Variants in PPP2R1B observed in about 807,000 individuals in gnomAD.
PPP2R1B encodes serine/threonine-protein phosphatase 2A 65 kDa regulatory subunit A beta isoform.
A neutral mutation model predicts 72.7 loss-of-function variants in PPP2R1B; 58 were observed. That is an observed-to-expected ratio of 0.80 (90% confidence interval 0.65 to 0.99). The LOEUF (loss-of-function observed/expected upper bound fraction) is 0.99, where lower values mean the gene tolerates loss of function less well. Ranked by LOEUF, PPP2R1B falls within the 50% of genes least tolerant of loss-of-function variation. The pLI is 0.00. For synonymous variants in PPP2R1B, 256 were observed against 264.6 expected (o/e 0.97, Z 0.32); for missense variants, 695 against 733.6 (o/e 0.95, Z 0.61).
Position 111,742,084 on chromosome 11 carries a change from A to G in PPP2R1B, c.1758T>C (p.Asp586=). ...LQKLGQDEDM[D]VKYFAQEAIS... ...TAGCTTCCTGTGCAAAGTATTTGAC[A>G]TCCATGTCTTCATCTTGACCTAACT... is the stretch of plus-strand genomic sequence containing the variant. Residue 586 remains aspartate, a synonymous_variant, in exon 14 of 15, where the codon GAT becomes GAC. Coordinates refer to ENST00000527614, the MANE Select transcript of PPP2R1B (RefSeq NM_002716.5). The G allele has an allele frequency of 6.2e-7, 1 of 1,613,958 alleles. No individual in the cohort carries two copies. The highest frequency in any genetic ancestry group is 8.5e-7 in the Non-Finnish European group (1 of 1,179,852).
the PPP2R1B span, among the ~76,000 whole-genome samples, chr11:111,706,649 A>G: frequency 6.6e-6 from 1 of 152,192 alleles, no homozygotes; most frequent in Non-Finnish European, 1.5e-5. Flanking sequence ...ATATTTTGTT[A>G]TACGTACTTT....
At chr11:111,694,084 T>A in the PPP2R1B span, among the ~76,000 whole-genome samples, 4 of 152,238 alleles carry the variant, frequency 2.6e-5, no homozygotes, top group Non-Finnish European at 5.9e-5. Context: ...GCTAGTTAAC[T>A]GTTTGTTAAA....
At chr11:111,718,950 C>T in the PPP2R1B span, 2 of 152,260 alleles carry the variant, frequency 1.3e-5, no homozygotes, top group Non-Finnish European at 2.9e-5. Context: ...GTTCTGCCTG[C>T]CATTAGGCAG....
chr11:111,706,851 TTGGGAGGC>T, the PPP2R1B span, among the ~76,000 whole-genome samples: 123 of 151,382 alleles, frequency 8.1e-4, no homozygotes, highest in African/African-American at 2.8e-3. Flanking sequence ...TCCCAGCTAC[TTGGGAGGC>T]TGAGGCAGGA....
At chr11:111,715,471 G>GC in the PPP2R1B span, among the ~76,000 whole-genome samples, 1 of 152,180 alleles carries the variant, frequency 6.6e-6, no homozygotes, top group African/African-American at 2.4e-5. Context: ...CAGGTATTGT[G>GC]CATCTCAAAG....
chr11:111,700,298 G>A, the PPP2R1B span, among the ~76,000 whole-genome samples: 1 of 152,166 alleles, frequency 6.6e-6, no homozygotes, highest in Non-Finnish European at 1.5e-5. Flanking sequence ...GGTGGCTTGT[G>A]GCTGGGCTAT....
chr11:111,753,194 G>A (rs576887802), intron 9 of PPP2R1B, among the ~76,000 whole-genome samples: 2 of 152,046 alleles, frequency 1.3e-5, no homozygotes, highest in Non-Finnish European at 2.9e-5. Context: ...AGAAACCAGG[G>A]AGTATAAAGC....
At chr11:111,700,903 T>C in the PPP2R1B span, 2 of 1,613,974 alleles carry the variant, frequency 1.2e-6, no homozygotes, top group Non-Finnish European at 1.7e-6. Context: ...TTTTGGAAAT[T>C]TCTTTAAAAG....
downstream of PPP2R1B, chr11:111,724,305 T>A: frequency 1.1e-6 from 1 of 909,550 alleles, no homozygotes; most frequent in Non-Finnish European, 1.6e-6. Flanking sequence ...CTCCTGGTTC[T>A]GCCCCACCAC....
intron 14 of PPP2R1B, 47 bp from the exon 15 acceptor site, chr11:111,741,659 G>C (rs1327472133): frequency 6.3e-7 from 1 of 1,583,406 alleles, no homozygotes; most frequent in Non-Finnish European, 8.6e-7. Flanking sequence ...GAAAGTTCAC[G>C]AACGATCTAT....
At position 111,743,468 on chromosome 11, in the gene PPP2R1B, C is replaced by G. The variant is rs1329566207; in HGVS notation, c.1462G>C (p.Glu488Gln). The change falls in exon 12 of 15, where the codon GAG becomes CAG. Residue 488 changes from glutamate (E) to glutamine (Q), a missense_variant. Glu to Gln is a conservative substitution (Grantham distance 29). Coordinates refer to ENST00000527614, the MANE Select transcript of PPP2R1B (RefSeq NM_002716.5). ...GGAACAATAGTATTTTGGGCCCACTCTGTACCAAACTTCTGAACTAGTTTC... is the reference window on the plus strand; with the variant it reads ...GGAACAATAGTATTTTGGGCCCACTGTGTACCAAACTTCTGAACTAGTTTC... ...LMKLVQKFGT[E>Q]WAQNTIVPKV... 3.1e-6 allele frequency: 5 copies of G among 1,614,048 alleles called. No individual in the cohort carries two copies. The South Asian group carries it at 4.4e-5, about 14-fold the overall frequency.
At chr11:111,752,498 G>A (rs1944946908) in intron 9 of PPP2R1B, among the ~76,000 whole-genome samples, 166 bp from the exon 10 acceptor site, 1 of 152,114 alleles carries the variant, frequency 6.6e-6, no homozygotes, top group African/African-American at 2.4e-5. Context: ...GAACATAAAT[G>A]ATCTTAATCA....
rs900804707 is a variant in PPP2R1B, at chr11:111,741,072, A to G, written c.*524T>C. 2 of 987,618 alleles carry G rather than the reference A, an allele frequency of 2.0e-6. No individual in the cohort carries two copies. Among genetic ancestry groups the G allele is most frequent in the East Asian group, 1.1e-4 (1 of 8,858 alleles). The allele number at this position is 987,618 out of a possible 1,614,324, so 61.2% of individuals were successfully genotyped here. A position where few individuals can be genotyped will look rare whatever the true frequency, so the allele number is the denominator to read the frequency against. On this transcript the variant is annotated 3_prime_UTR_variant, in exon 15 of 15. Coordinates refer to ENST00000527614, the MANE Select transcript of PPP2R1B (RefSeq NM_002716.5). ...CACATTCCCCTTTCACATGAGACTAATGCAGACCATCATAATTCAGGAAAA... is the reference window on the plus strand; with the variant it reads ...CACATTCCCCTTTCACATGAGACTAGTGCAGACCATCATAATTCAGGAAAA...
At chr11:111,759,662 T>G (rs1424247857) in intron 5 of PPP2R1B, 142 bp downstream of exon 5, 1 of 827,276 alleles carries the variant, frequency 1.2e-6, no homozygotes, top group Non-Finnish European at 1.8e-6. Flanking sequence ...GAGATAAGCA[T>G]GTTACACTTT....
chr11:111,765,095 G>C (rs1945472849), intron 2 of PPP2R1B, among the ~76,000 whole-genome samples, 190 bp from the exon 3 acceptor site: 1 of 152,102 alleles, frequency 6.6e-6, no homozygotes, highest in Non-Finnish European at 1.5e-5. Flanking sequence ...TCATACTCCC[G>C]TATCAATTAC....
chr11:111,741,413 T>C lies in PPP2R1B; in HGVS notation c.*183A>G, dbSNP rs554414311. 3.6e-6 allele frequency: 5 copies of C among 1,404,340 alleles called. No individual in the cohort carries two copies. In the African/African-American group the frequency reaches 4.4e-5, roughly 12 times the overall value. 87.0% of individuals were successfully genotyped at this position (1,404,340 alleles called of 1,614,324 possible). A position where few individuals can be genotyped will look rare whatever the true frequency, so the allele number is the denominator to read the frequency against. Reference sequence around the variant, plus strand: ...ATAATGATTTAACAAGGAAGACGAGTAAAAAACAATCCCATTTCATCTTTA... The same window carrying C: ...ATAATGATTTAACAAGGAAGACGAGCAAAAAACAATCCCATTTCATCTTTA... On this transcript the variant is annotated 3_prime_UTR_variant, in exon 15 of 15. Coordinates refer to ENST00000527614, the MANE Select transcript of PPP2R1B (RefSeq NM_002716.5).
downstream of PPP2R1B, chr11:111,723,792 C>T: frequency 1.9e-6 from 3 of 1,613,956 alleles, no homozygotes; most frequent in Non-Finnish European, 2.5e-6. Context: ...CCTCCTCTGC[C>T]CACGCAGCTA....
chr11:111,761,371 A>G (rs570907524), intron 3 of PPP2R1B: 33 of 416,324 alleles, frequency 7.9e-5, no homozygotes. Context: ...AAAGATACAT[A>G]GCCAAATTCA....
At chr11:111,708,542 AT>A in the PPP2R1B span, among the ~76,000 whole-genome samples, 2 of 151,982 alleles carry the variant, frequency 1.3e-5, no homozygotes, top group East Asian at 1.9e-4. Flanking sequence ...AATACGTCAT[AT>A]TTTTTTCTCA....
Sources: allele counts gnomAD v4.1 joint callset (sites outside exome capture counted in the v4.1 genomes callset), GRCh38; gene constraint gnomAD v4.1.1; transcripts MANE v1.5; gene names NCBI Gene and HGNC (gene_info 2026-07-23, HGNC 2026-07-21).